The following USP45 variants were observed in gnomAD, a reference collection of about 807,000 sequenced individuals.
USP45 encodes ubiquitin specific peptidase 45.
USP45 carries 89 observed loss-of-function variants against 95.8 expected under a neutral mutation model. The ratio of observed to expected loss-of-function variants is 0.93; its 90% CI spans 0.78 to 1.11. The LOEUF is 1.11. Among genes scored for constraint, USP45 ranks in the 50% least tolerant of loss-of-function variants. The pLI is 0.00. For missense variants in USP45, 898 were observed against 942.5 expected (o/e 0.95, Z 0.62); for synonymous variants, 281 against 316.2 (o/e 0.89, Z 1.18).
chr6:99,484,162 T>C (rs1001613511), intron 7 of USP45, among the ~76,000 whole-genome samples: 1 of 150,294 alleles, frequency 6.7e-6, no homozygotes, highest in African/African-American at 2.4e-5. Flanking sequence ...CAAGACAGAC[T>C]TTTGTGTTTT....
intron 7 of USP45, among the ~76,000 whole-genome samples, chr6:99,484,626 C>T (rs1046011820): frequency 1.3e-5 from 2 of 151,988 alleles, no homozygotes; most frequent in Admixed American, 1.3e-4. Flanking sequence ...AGGGAGACTC[C>T]GTCTCTGCAA....
intron 5 of USP45, among the ~76,000 whole-genome samples, chr6:99,499,803 G>A (rs755437456): frequency 3.3e-5 from 5 of 152,092 alleles, no homozygotes; most frequent in Non-Finnish European, 5.9e-5. Flanking sequence ...CTTGAAAGCC[G>A]GCTCATCCAT....
chr6:99,464,650 A>G lies in USP45; in HGVS notation c.1262T>C (p.Ile421Thr), dbSNP rs1412121661. Residue 421 changes from isoleucine (I) to threonine (T), a missense_variant, in exon 13 of 18, where the codon ATT becomes ACT. Transcript: ENST00000500704. ...CTTCTTGGCAGCTCTAGGTTGATGA[A>G]TATTTTCTATAGTAACATTGCCACT... The part of the protein sequence containing the change: ...RYSGNVTIEN[I>T]HQPRAAKKHS... The G allele has an allele frequency of 1.2e-6, 2 of 1,613,380 alleles. No individual in the cohort carries two copies. Among genetic ancestry groups the G allele is most frequent in the South Asian group, 1.1e-5 (1 of 91,050 alleles).
At chr6:99,514,112 T>TGCA (rs1800556472) in intron 1 of USP45, among the ~76,000 whole-genome samples, 1 of 152,216 alleles carries the variant, frequency 6.6e-6, no homozygotes, top group South Asian at 2.1e-4. Context: ...TTTGATAGGA[T>TGCA]GCACGGGACT....
chr6:99,486,235 A>G (rs1195230440), intron 7 of USP45, among the ~76,000 whole-genome samples: 1 of 152,226 alleles, frequency 6.6e-6, no homozygotes, highest in Non-Finnish European at 1.5e-5. Context: ...GAACAGTGCC[A>G]CAGCTCAGGT....
intron 5 of USP45, among the ~76,000 whole-genome samples, chr6:99,494,584 A>G (rs1377204430): frequency 6.6e-6 from 1 of 152,202 alleles, no homozygotes; most frequent in African/African-American, 2.4e-5. Context: ...TAGAGATCCT[A>G]TAACTATCTT....
At chr6:99,459,452 A>C (rs566979181) in intron 13 of USP45, among the ~76,000 whole-genome samples, 1 of 152,220 alleles carries the variant, frequency 6.6e-6, no homozygotes, top group South Asian at 2.1e-4. Context: ...ACATTCACCT[A>C]CATGTGTTTT....
chr6:99,477,684 G>A (rs1222988219), intron 8 of USP45, among the ~76,000 whole-genome samples: 1 of 152,174 alleles, frequency 6.6e-6, no homozygotes, highest in Non-Finnish European at 1.5e-5. Context: ...CAAAGAAAGT[G>A]AGTCCCTGAC....
intron 15 of USP45, 116 bp downstream of exon 15, chr6:99,443,447 GAC>G: frequency 1.7e-6 from 1 of 583,348 alleles, no homozygotes; most frequent in South Asian, 3.8e-5. Context: ...AATCTCACAT[GAC>G]ACATTTTAAA....
intron 7 of USP45, among the ~76,000 whole-genome samples, chr6:99,487,513 G>A (rs1794193451): frequency 6.6e-6 from 1 of 151,916 alleles, no homozygotes; most frequent in Non-Finnish European, 1.5e-5. Context: ...GATGTGGCCG[G>A]GCGTGGTGGC....
Position 99,435,856 on chromosome 6 carries a change from CAAAAAG to C in USP45, c.2315-16_2315-11del, listed in dbSNP as rs766700763. 1.3e-6 allele frequency: 2 copies of C among 1,599,652 alleles called. No individual in the cohort carries two copies. The highest frequency in any genetic ancestry group is 2.7e-5 in the African/African-American group (2 of 73,914). On this transcript the variant is annotated splice_polypyrimidine_tract_variant and intron_variant, in intron 17 of 17. Transcript: ENST00000500704. The stretch of plus-strand genomic sequence containing the variant: ...TCAGCCGCTTTCAAACCTAGCAAAA[CAAAAAG>C]AAGTACAATTTTAAAGTAAGTATGC...
At chr6:99,505,928 A>G (rs1398113159) in intron 4 of USP45, among the ~76,000 whole-genome samples, 1 of 152,178 alleles carries the variant, frequency 6.6e-6, no homozygotes, top group Non-Finnish European at 1.5e-5. Context: ...ATCCTTATTG[A>G]ACTGCCACAC....
rs1308986474 is a variant in USP45 at position 99,433,884 on chromosome 6, C to G, written c.*1832G>C. 6.6e-6 allele frequency: 1 copy of G among 152,118 alleles called. No homozygotes were observed. The highest frequency in any genetic ancestry group is 1.5e-5 in the Non-Finnish European group (1 of 68,016). 9.4% of individuals were successfully genotyped at this position (152,118 alleles called of 1,614,324 possible). On this transcript the variant is annotated 3_prime_UTR_variant, in exon 18 of 18. Coordinates refer to ENST00000500704, the MANE Select transcript of USP45 (RefSeq NM_001346022.3). ...CTTTCTGTAAGAAAAATTAGGTGAT[C>G]TATATTTACATTTGGGCAGTGGGGG... is the stretch of plus-strand genomic sequence containing the variant.
chr6:99,517,251 T>C (rs1306970135), upstream of USP45, among the ~76,000 whole-genome samples: 1 of 152,184 alleles, frequency 6.6e-6, no homozygotes, highest in Admixed American at 6.5e-5. Context: ...GCTATTACAA[T>C]GACATTATAA....
chr6:99,484,903 A>AG (rs1793488651), intron 7 of USP45, among the ~76,000 whole-genome samples: 1 of 152,120 alleles, frequency 6.6e-6, no homozygotes, highest in African/African-American at 2.4e-5. Context: ...AGTTACCTCA[A>AG]GGGTCAAAAG....
rs767478688 is a variant in USP45, at chr6:99,446,383, A to G, written c.1389T>C (p.Leu463=). Residue 463 remains leucine, a synonymous_variant, in exon 14 of 18, where the codon CTT becomes CTC. Coordinates refer to ENST00000500704, the MANE Select transcript of USP45 (RefSeq NM_001346022.3). ...ETVTYQKNEN[L]EMNGDSLMFA... is the part of the protein sequence containing the mutation. The stretch of plus-strand genomic sequence containing the variant: ...ACATTAAAGAATCCCCATTCATTTC[A>G]AGGTTTTCATTTTTCTGGTATGTGA... The G allele has an allele frequency of 1.2e-5, 20 of 1,614,198 alleles. No individual in the cohort carries two copies. The highest frequency in any genetic ancestry group is 1.7e-5 in the Non-Finnish European group (20 of 1,180,034).
intron 9 of USP45, among the ~76,000 whole-genome samples, chr6:99,469,498 T>C (rs1023098092): frequency 4.1e-5 from 5 of 122,020 alleles, no homozygotes; most frequent in Admixed American, 3.4e-4. Flanking sequence ...TTTTTTTTTT[T>C]TTGAGAGTCT....
chr6:99,457,075 C>T (rs1220561070), intron 13 of USP45, among the ~76,000 whole-genome samples: 1 of 152,108 alleles, frequency 6.6e-6, no homozygotes, highest in Non-Finnish European at 1.5e-5. Flanking sequence ...GGGAAAATAC[C>T]CACCTAATAA....
intron 15 of USP45, among the ~76,000 whole-genome samples, chr6:99,441,902 A>C (rs894440294): frequency 6.6e-6 from 1 of 152,210 alleles, no homozygotes; most frequent in Non-Finnish European, 1.5e-5. Flanking sequence ...AAAGATCTCT[A>C]TTCAGTTTCA....
Sources: allele counts gnomAD v4.1 joint callset (sites outside exome capture counted in the v4.1 genomes callset), GRCh38; gene constraint gnomAD v4.1.1; transcripts MANE v1.5; gene names NCBI Gene and HGNC (gene_info 2026-07-23, HGNC 2026-07-21).